MAPK8IP1: variants seen among roughly 807,000 people sequenced by gnomAD.
MAPK8IP1 encodes the protein C-Jun-amino-terminal kinase-interacting protein 1.
MAPK8IP1 carries 17 observed loss-of-function variants against 72.6 expected under a neutral mutation model. That is an observed-to-expected ratio of 0.23 (90% CI 0.16 to 0.35). The LOEUF is 0.35. MAPK8IP1 is among the 10% of genes least tolerant of loss of function. The pLI is 1.00. For missense variants in MAPK8IP1, 789 were observed against 1,009.7 expected, an observed-to-expected ratio of 0.78 and a Z score of 2.96; for synonymous variants, 401 against 443.4, an observed-to-expected ratio of 0.90 and a Z score of 1.20.
Position 45,900,994 on chromosome 11 carries a change from C to T in MAPK8IP1, c.522+542C>T, listed in dbSNP as rs1051880582. On this transcript the variant is annotated intron_variant, in intron 3 of 11. Coordinates refer to ENST00000241014, the MANE Select transcript of MAPK8IP1 (RefSeq NM_005456.4). The surrounding 1 kb of genome is among the most constrained non-coding windows in gnomAD (Gnocchi z 6.5). ...GGGGGAGGAATGGGAGATGGAGCTG[C>T]TTGGCTAAGTTGGGGACCTAGGGCC... Among the ~76,000 whole-genome samples, 2 of 152,024 alleles carry T rather than the reference C, an allele frequency of 1.3e-5. No homozygotes were observed. Among genetic ancestry groups the T allele is most frequent in the African/African-American group, 4.8e-5 (2 of 41,392 alleles).
chr11:45,895,584 C>T (rs1452366867), intron 1 of MAPK8IP1, among the ~76,000 whole-genome samples: 1 of 148,114 alleles, frequency 6.8e-6, no homozygotes, highest in African/African-American at 2.5e-5. Flanking sequence ...CATGTCATTG[C>T]TCTCCAGCCT....
chr11:45,900,115 A>ACG lies in MAPK8IP1; in HGVS notation c.208-21_208-20dup. The ACG allele has an allele frequency of 8.3e-7, 1 of 1,202,604 alleles. No homozygotes were observed. The allele number at this position is 1,202,604 out of a possible 1,614,324, so 74.5% of individuals were successfully genotyped here. A position where few individuals can be genotyped will look rare whatever the true frequency, so the allele number is the denominator to read the frequency against. ...GGCCCCGCCCCGGCCCCGCCCCCTG[A>ACG]CGCCCCTCCGTGCGCTGTGCAGCCC... On this transcript the variant is annotated intron_variant, in intron 2 of 11. Coordinates refer to ENST00000241014, the MANE Select transcript of MAPK8IP1 (RefSeq NM_005456.4). This position sits in a 1 kb window ranked among gnomAD's most constrained non-coding sequence, Gnocchi z 6.5.
rs1171806774 is a variant in MAPK8IP1, at chr11:45,904,801, A to G, written c.1860A>G (p.Ile620Met). Residue 620 changes from isoleucine (I) to methionine (M), a missense_variant, in exon 9 of 12, where the codon ATA (isoleucine) becomes ATG (methionine). Ile to Met is a conservative substitution (Grantham distance 10, BLOSUM62 1). This residue lies in a region of MAPK8IP1 where 188 missense variants were observed against 293.3 expected (regional missense o/e 0.64). Coordinates refer to ENST00000241014, the MANE Select transcript of MAPK8IP1 (RefSeq NM_005456.4). The surrounding 1 kb of genome is among the most constrained non-coding windows in gnomAD (Gnocchi z 6.4). ...VLEISVRGVKIGVKADDSQEA... is the reference protein window; with the variant it reads ...VLEISVRGVKMGVKADDSQEA... ...AGATCAGCGTGCGGGGTGTGAAGAT[A>G]GGCGTCAAGGCCGATGACTCCCAGG... 51 of 1,614,080 alleles carry G rather than the reference A, an allele frequency of 3.2e-5. No homozygotes were observed. The highest frequency in any genetic ancestry group is 4.2e-5 in the Non-Finnish European group (50 of 1,180,024).
intron 1 of MAPK8IP1, among the ~76,000 whole-genome samples, chr11:45,893,009 G>A (rs1264339777): frequency 1.3e-5 from 2 of 152,166 alleles, no homozygotes; most frequent in Admixed American, 1.3e-4. Flanking sequence ...TGGACCACAC[G>A]TGCCCTCTGT....
At chr11:45,898,796 C>T (rs1171043963) in intron 2 of MAPK8IP1, among the ~76,000 whole-genome samples, 1 of 152,242 alleles carries the variant, frequency 6.6e-6, no homozygotes, top group Non-Finnish European at 1.5e-5. Context: ...TGGCTCTCTC[C>T]TGTCCCTAAA....
chr11:45,886,884 C>T (rs971683742), intron 1 of MAPK8IP1, among the ~76,000 whole-genome samples: 25 of 152,236 alleles, frequency 1.6e-4, no homozygotes, highest in African/African-American at 6.0e-4. Flanking sequence ...TCCAGCTGGG[C>T]TGTGGTGCCA....
chr11:45,900,585 GGCTC>G lies in MAPK8IP1; in HGVS notation c.522+138_522+141del. ...ACAGCGCCTGCATAGGGGCCGCGGTGGCTCGCTCCCGGTGTTGGGATCCGAGGAG... is the reference window on the plus strand; with the variant it reads ...ACAGCGCCTGCATAGGGGCCGCGGTGGCTCCCGGTGTTGGGATCCGAGGAG... On this transcript the variant is annotated intron_variant, in intron 3 of 11. Coordinates refer to ENST00000241014, the MANE Select transcript of MAPK8IP1 (RefSeq NM_005456.4). The surrounding 1 kb of genome is among the most constrained non-coding windows in gnomAD (Gnocchi z 6.5). The G allele has an allele frequency of 9.6e-7, 1 of 1,037,576 alleles. No homozygotes were observed. The highest frequency in any genetic ancestry group is 1.4e-6 in the Non-Finnish European group (1 of 735,694). 64.3% of individuals were successfully genotyped at this position (1,037,576 alleles called of 1,614,324 possible).
rs1454264063 is a variant in MAPK8IP1 at position 45,902,190 on chromosome 11, G to C, written c.604+129G>C. On this transcript the variant is annotated intron_variant, in intron 4 of 11. Transcript: ENST00000241014. The surrounding 1 kb of genome is among the most constrained non-coding windows in gnomAD (Gnocchi z 9.3). The stretch of plus-strand genomic sequence containing the variant: ...ACTGCCCACCCACATCCCTGCACGA[G>C]CCCATCCAGGGGCTGAGATCAGTGG... 2.0e-6 allele frequency: 2 copies of C among 1,016,946 alleles called. No individual in the cohort carries two copies. Among genetic ancestry groups the C allele is most frequent in the Non-Finnish European group, 3.1e-6 (2 of 640,006 alleles). The allele number at this position is 1,016,946 out of a possible 1,614,324, so 63.0% of individuals were successfully genotyped here.
chr11:45,892,500 A>C (rs1167119309), intron 1 of MAPK8IP1, among the ~76,000 whole-genome samples: 1 of 152,198 alleles, frequency 6.6e-6, no homozygotes. Context: ...CGCGGGCCGC[A>C]TAACCCAAAG....
At position 45,885,755 on chromosome 11, in the gene MAPK8IP1, C is replaced by A; in HGVS notation, c.-66C>A. 1 of 973,746 alleles carries A rather than the reference C, an allele frequency of 1.0e-6. No individual in the cohort carries two copies. The highest frequency in any genetic ancestry group is 1.4e-6 in the Non-Finnish European group (1 of 726,808). 60.3% of individuals were successfully genotyped at this position (973,746 alleles called of 1,614,324 possible). A position where few individuals can be genotyped will look rare whatever the true frequency, so the allele number is the denominator to read the frequency against. On this transcript the variant is annotated 5_prime_UTR_variant, in exon 1 of 12. Coordinates refer to ENST00000241014, the MANE Select transcript of MAPK8IP1 (RefSeq NM_005456.4). Reference sequence around the variant, plus strand: ...CGGCTGCCCTCTCGCCGCGCCTCCGCCTCCTTCGCAGCCGCCGCCTCCTCC... The same window carrying A: ...CGGCTGCCCTCTCGCCGCGCCTCCGACTCCTTCGCAGCCGCCGCCTCCTCC...
intron 1 of MAPK8IP1, among the ~76,000 whole-genome samples, chr11:45,894,709 G>GCATGATGAACA (rs2086590751): frequency 6.6e-6 from 1 of 152,214 alleles, no homozygotes; most frequent in Admixed American, 6.5e-5. Context: ...TGAGGACTCA[G>GCATGATGAACA]TGTATGCAGG....
intron 1 of MAPK8IP1, among the ~76,000 whole-genome samples, chr11:45,886,547 C>G (rs915860218): frequency 3.3e-5 from 5 of 152,166 alleles, no homozygotes; most frequent in African/African-American, 1.2e-4. Context: ...GAAGTCGGCT[C>G]GGCTCTGGAG....
chr11:45,902,539 G>T lies in MAPK8IP1; in HGVS notation c.772G>T (p.Gly258Cys). ...PGGPPAAPPG[G>C]RGHSHRDRIH... ...TGGTCCCCCTGCTGCCCCGCCTGGG[G>T]GTCGGGGCCACTCGCATCGAGACCG... Residue 258 changes from glycine to cysteine, a missense_variant, in exon 5 of 12, where the codon GGT (glycine) becomes TGT (cysteine). Coordinates refer to ENST00000241014, the MANE Select transcript of MAPK8IP1 (RefSeq NM_005456.4). The surrounding 1 kb of genome is among the most constrained non-coding windows in gnomAD (Gnocchi z 9.3). 2 of 1,612,092 alleles carry T rather than the reference G, an allele frequency of 1.2e-6. No individual in the cohort carries two copies. The highest frequency in any genetic ancestry group is 8.5e-7 in the Non-Finnish European group (1 of 1,179,628).
chr11:45,895,650 A>C (rs1299306796), intron 1 of MAPK8IP1, among the ~76,000 whole-genome samples: 1 of 146,316 alleles, frequency 6.8e-6, no homozygotes, highest in African/African-American at 2.5e-5. Flanking sequence ...ATATATATAT[A>C]TATATATATA....
intron 3 of MAPK8IP1, 95 bp from the exon 4 acceptor site, chr11:45,901,885 G>A (rs1425130170): frequency 1.1e-6 from 1 of 900,458 alleles, no homozygotes; most frequent in Non-Finnish European, 1.9e-6. Flanking sequence ...ACAGCAAATG[G>A]CCCTAGGGAT....
At chr11:45,905,568 A>G (rs2086701311) in intron 11 of MAPK8IP1, 81 bp from the exon 12 acceptor site, 9 of 1,298,050 alleles carry the variant, frequency 6.9e-6, no homozygotes, top group African/African-American at 1.4e-5. Flanking sequence ...CCAAGGCTCC[A>G]GCGGGAAAAC....
Position 45,904,656 on chromosome 11 carries a change from G to A in MAPK8IP1, c.1777-62G>A. The A allele has an allele frequency of 6.2e-7, 1 of 1,600,598 alleles. No homozygotes were observed. The highest frequency in any genetic ancestry group is 8.6e-7 in the Non-Finnish European group (1 of 1,168,082). On this transcript the variant is annotated intron_variant, in intron 8 of 11. Coordinates refer to ENST00000241014, the MANE Select transcript of MAPK8IP1 (RefSeq NM_005456.4). The surrounding 1 kb of genome is among the most constrained non-coding windows in gnomAD (Gnocchi z 6.4). ...GAGGCAGTAAAGGGCTCAGGCCCTGGGACAGGAGGGATCAGCAGAGGAACA... is the reference window on the plus strand; with the variant it reads ...GAGGCAGTAAAGGGCTCAGGCCCTGAGACAGGAGGGATCAGCAGAGGAACA...
At chr11:45,897,205 A>AC (rs142370153) in intron 1 of MAPK8IP1, among the ~76,000 whole-genome samples, 2,148 of 144,102 alleles carry the variant, frequency 0.015, 46 homozygotes, top group African/African-American at 0.051. Context: ...CCCCCCCACC[A>AC]CCCCCCCAGC....
rs2086675362 is a variant in MAPK8IP1 at position 45,903,497 on chromosome 11, C to T, written c.1493+57C>T. 5 of 1,451,766 alleles carry T rather than the reference C, an allele frequency of 3.4e-6. No homozygotes were observed. Among genetic ancestry groups the T allele is most frequent in the Non-Finnish European group, 3.8e-6 (4 of 1,054,260 alleles). 89.9% of individuals were successfully genotyped at this position (1,451,766 alleles called of 1,614,324 possible). ...GGCAGCAGTTTGGGCCACACACCAC[C>T]CTCTACTTGTCACCCCTACATGGCC... is the stretch of plus-strand genomic sequence containing the variant. On this transcript the variant is annotated intron_variant, in intron 6 of 11. Coordinates refer to ENST00000241014, the MANE Select transcript of MAPK8IP1 (RefSeq NM_005456.4). The surrounding 1 kb of genome is among the most constrained non-coding windows in gnomAD (Gnocchi z 6.4).
Sources: allele counts gnomAD v4.1 joint callset (sites outside exome capture counted in the v4.1 genomes callset), GRCh38; gene constraint gnomAD v4.1.1; regional missense constraint gnomAD v4.1.1; non-coding constraint Gnocchi (gnomAD v3.1); transcripts MANE v1.5; gene names NCBI Gene and HGNC (gene_info 2026-07-23, HGNC 2026-07-21).